The following STK33 variants were observed in gnomAD, a reference collection of about 807,000 sequenced individuals.
STK33 encodes serine/threonine kinase 33.
STK33 carries 52 observed loss-of-function variants against 58.0 expected under a neutral mutation model. That is an observed-to-expected ratio of 0.90 (90% CI 0.72 to 1.13). The LOEUF (loss-of-function observed/expected upper bound fraction) is 1.13. STK33 is among the 50% of genes most tolerant of loss of function. The probability of loss-of-function intolerance (pLI) is 0.00; values close to 1 mark genes in which losing one functional copy is unlikely to be tolerated. For missense variants in STK33, 630 were observed against 604.2 expected (o/e 1.04, Z -0.45); for synonymous variants, 215 against 200.1 (o/e 1.07, Z -0.63).
intron 1 of STK33, among the ~76,000 whole-genome samples, chr11:8,520,931 A>T (rs1281988378): frequency 6.6e-6 from 1 of 152,048 alleles, no homozygotes; most frequent in Admixed American, 6.6e-5. Context: ...AAGGTAATTT[A>T]TAACGATAAT....
chr11:8,363,382 C>A, the STK33 span, among the ~76,000 whole-genome samples: 1 of 152,102 alleles, frequency 6.6e-6, no homozygotes, highest in Non-Finnish European at 1.5e-5. Flanking sequence ...TTTACATATG[C>A]CTGAAACCAC....
rs527826432 is a variant in STK33 at position 8,462,351 on chromosome 11, TTTTC to T, written c.454-446_454-443del. Among the ~76,000 whole-genome samples, 25 of 151,290 alleles carry T rather than the reference TTTTC, an allele frequency of 1.7e-4. No homozygotes were observed. The South Asian group carries it at 1.9e-3, about 11-fold the overall frequency. ...TTGAGGAAGAAAAAAAACAAAAAGTTTTTCTTTGTTTTGCTGTTGTCTTGTTTTG... is the reference window on the plus strand; with the variant it reads ...TTGAGGAAGAAAAAAAACAAAAAGTTTTTGTTTTGCTGTTGTCTTGTTTTG... On this transcript the variant is annotated intron_variant, in intron 7 of 15. Transcript: ENST00000687296.
chr11:8,524,748 CAA>C (rs1465999179), intron 1 of STK33, among the ~76,000 whole-genome samples: 1 of 151,920 alleles, frequency 6.6e-6, no homozygotes, highest in African/African-American at 2.4e-5. Context: ...CACTTAAAGT[CAA>C]AGTTTCCAAG....
intron 1 of STK33, among the ~76,000 whole-genome samples, chr11:8,484,764 A>G (rs917044370): frequency 2.0e-5 from 3 of 152,226 alleles, no homozygotes; most frequent in Non-Finnish European, 4.4e-5. Flanking sequence ...ATCTGTATCC[A>G]CAGATTTATT....
At chr11:8,417,750 T>C (rs993229321) in intron 14 of STK33, among the ~76,000 whole-genome samples, 2 of 152,036 alleles carry the variant, frequency 1.3e-5, no homozygotes, top group Non-Finnish European at 2.9e-5. Context: ...GTCAAAACAA[T>C]GTGGTGTCAA....
At chr11:8,396,427 T>G (rs903832910) in intron 15 of STK33, among the ~76,000 whole-genome samples, 3 of 152,232 alleles carry the variant, frequency 2.0e-5, no homozygotes, top group African/African-American at 7.2e-5. Flanking sequence ...TCCAGTTGCA[T>G]GAAGTTTAGG....
chr11:8,356,256 A>G, the STK33 span, among the ~76,000 whole-genome samples: 2 of 152,190 alleles, frequency 1.3e-5, no homozygotes, highest in African/African-American at 4.8e-5. Context: ...TCCACCCAGG[A>G]GCATCCACGT....
At chr11:8,569,119 G>A (rs974963520) in intron 1 of STK33, among the ~76,000 whole-genome samples, 12 of 152,126 alleles carry the variant, frequency 7.9e-5, no homozygotes, top group Non-Finnish European at 4.4e-5. Flanking sequence ...TTCTCAATCT[G>A]GCTGCACAGT....
intron 1 of STK33, among the ~76,000 whole-genome samples, chr11:8,589,373 T>G (rs907248100): frequency 1.3e-5 from 2 of 152,176 alleles, no homozygotes; most frequent in African/African-American, 4.8e-5. Context: ...AAATGAACTT[T>G]GAAAACATCA....
chr11:8,410,617 T>G (rs1940077676), intron 15 of STK33, among the ~76,000 whole-genome samples: 1 of 151,836 alleles, frequency 6.6e-6, no homozygotes, highest in African/African-American at 2.4e-5. Context: ...GGATTATAGG[T>G]GATTGCCACT....
chr11:8,447,588 G>C (rs927208453), intron 11 of STK33, among the ~76,000 whole-genome samples: 2 of 151,964 alleles, frequency 1.3e-5, no homozygotes, highest in African/African-American at 4.8e-5. Flanking sequence ...ATTCAACAAT[G>C]CTTCATGCTA....
At chr11:8,533,796 A>T (rs1954741227) in intron 1 of STK33, among the ~76,000 whole-genome samples, 1 of 152,200 alleles carries the variant, frequency 6.6e-6, no homozygotes, top group African/African-American at 2.4e-5. Flanking sequence ...TATTTATTAC[A>T]TGGTTTCTCT....
At chr11:8,535,936 T>C (rs1237629609) in intron 1 of STK33, among the ~76,000 whole-genome samples, 1 of 152,172 alleles carries the variant, frequency 6.6e-6, no homozygotes, top group Non-Finnish European at 1.5e-5. Flanking sequence ...AATAAAGTCA[T>C]ACCATTTTGC....
At chr11:8,418,425 C>T (rs1941439149) in intron 14 of STK33, among the ~76,000 whole-genome samples, 1 of 152,072 alleles carries the variant, frequency 6.6e-6, no homozygotes, top group African/African-American at 2.4e-5. Flanking sequence ...TGATCTTATT[C>T]TTTTTTATGG....
chr11:8,548,691 T>C (rs1956109608), intron 1 of STK33, among the ~76,000 whole-genome samples: 3 of 152,204 alleles, frequency 2.0e-5, no homozygotes, highest in Non-Finnish European at 4.4e-5. Context: ...GTAGATCACT[T>C]TGGGCAGTAT....
At chr11:8,555,224 T>C (rs1956653220) in intron 1 of STK33, 1 of 151,690 alleles carries the variant, frequency 6.6e-6, no homozygotes. Flanking sequence ...AAGTAGAGTG[T>C]AGAATGATGA....
rs957822856 is a variant in STK33, at chr11:8,594,225, C to T, written c.-608G>A. 9 of 152,334 alleles carry T rather than the reference C, an allele frequency of 5.9e-5. No individual in the cohort carries two copies. The highest frequency in any genetic ancestry group is 1.9e-4 in the African/African-American group (8 of 41,472). 9.4% of individuals were successfully genotyped at this position (152,334 alleles called of 1,614,324 possible). On this transcript the variant is annotated 5_prime_UTR_variant, in exon 1 of 16. Coordinates refer to ENST00000687296, the MANE Select transcript of STK33 (RefSeq NM_001352389.2). ...TGGACGGGGGCCGCGCGAGGACAAA[C>T]AGCGGCGGCGGGTGCAAAGCCCCTT...
chr11:8,559,357 CT>C (rs1303413277), intron 1 of STK33, among the ~76,000 whole-genome samples: 1 of 152,166 alleles, frequency 6.6e-6, no homozygotes, highest in Admixed American at 6.5e-5. Context: ...ATGCTAGTTT[CT>C]AGGTTGGTGG....
At chr11:8,496,337 T>C (rs1951054696) in intron 1 of STK33, among the ~76,000 whole-genome samples, 1 of 152,226 alleles carries the variant, frequency 6.6e-6, no homozygotes, top group Admixed American at 6.5e-5. Context: ...ATTTATGCAG[T>C]ACATGTATTT....
Sources: allele counts gnomAD v4.1 joint callset (sites outside exome capture counted in the v4.1 genomes callset), GRCh38; gene constraint gnomAD v4.1.1; transcripts MANE v1.5; gene names NCBI Gene and HGNC (gene_info 2026-07-23, HGNC 2026-07-21).